FAM234B: variants seen among roughly 807,000 people sequenced by gnomAD.
The protein encoded by FAM234B is protein FAM234B.
Under a neutral mutation model 69.3 loss-of-function variants are expected in FAM234B, and 33 were observed. The ratio of observed to expected loss-of-function variants is 0.48; its 90% confidence interval spans 0.36 to 0.64. The LOEUF is 0.64. FAM234B is among the 30% of genes least tolerant of loss of function. The probability of loss-of-function intolerance (pLI) is 0.00; values close to 1 mark genes in which losing one functional copy is unlikely to be tolerated. For missense variants in FAM234B, 697 were observed against 769.7 expected, an observed-to-expected ratio of 0.91 and a Z score of 1.12; for synonymous variants, 306 against 306.9, an observed-to-expected ratio of 1.00 and a Z score of 0.03.
Position 13,067,320 on chromosome 12 carries a change from T to C in FAM234B, c.1142+24T>C, listed in dbSNP as rs374368584. On this transcript the variant is annotated intron_variant, in intron 7 of 12. Transcript: ENST00000197268. The surrounding 1 kb of genome is among the most constrained non-coding windows in gnomAD (Gnocchi z 4.7). ...AGGTAGGGCAGACGTCTGTCCTTGGTCACAGTGAGATCTCTTGTGAACTCA... is the reference window on the plus strand; with the variant it reads ...AGGTAGGGCAGACGTCTGTCCTTGGCCACAGTGAGATCTCTTGTGAACTCA... The C allele has an allele frequency of 8.1e-6, 13 of 1,613,392 alleles. No individual in the cohort carries two copies. In the African/African-American group the frequency reaches 1.7e-4, roughly 22 times the overall value.
chr12:13,080,734 T>G lies in FAM234B; in HGVS notation c.*104T>G, dbSNP rs1865216640. Reference sequence around the variant, plus strand: ...CTATGGAGAGAAGACTTCTTCGTCCTCATTTACCACCTCCCTGATGGTTGC... The same window carrying G: ...CTATGGAGAGAAGACTTCTTCGTCCGCATTTACCACCTCCCTGATGGTTGC... On this transcript the variant is annotated 3_prime_UTR_variant, in exon 13 of 13. Transcript: ENST00000197268. The G allele has an allele frequency of 1.0e-6, 1 of 966,508 alleles. No individual in the cohort carries two copies. The highest frequency in any genetic ancestry group is 2.0e-5 in the Admixed American group (1 of 49,968). The allele number at this position is 966,508 out of a possible 1,614,324, so 59.9% of individuals were successfully genotyped here.
In FAM234B at chr12:13,067,027, G is replaced by A. The variant is rs948050788; in HGVS notation, c.1001-128G>A. On this transcript the variant is annotated intron_variant, in intron 6 of 12. Coordinates refer to ENST00000197268, the MANE Select transcript of FAM234B (RefSeq NM_020853.2). This position sits in a 1 kb window ranked among gnomAD's most constrained non-coding sequence, Gnocchi z 4.7. ...ACTTAATCACCTCCCCACTTGTTCC[G>A]TGTTGTCCAGTCTGGGCGGGCTCTG... 2.5e-5 allele frequency: 28 copies of A among 1,118,252 alleles called. No individual in the cohort carries two copies. Among genetic ancestry groups the A allele is most frequent in the African/African-American group, 1.1e-4 (7 of 64,500 alleles). The allele number at this position is 1,118,252 out of a possible 1,614,324, so 69.3% of individuals were successfully genotyped here.
chr12:13,048,681 G>T (rs1864839389), intron 1 of FAM234B, among the ~76,000 whole-genome samples: 1 of 152,120 alleles, frequency 6.6e-6, no homozygotes, highest in Non-Finnish European at 1.5e-5. Context: ...AGCCAGACTG[G>T]TTTTGAATTG....
chr12:13,049,381 C>T (rs1162037212), intron 1 of FAM234B, among the ~76,000 whole-genome samples: 1 of 152,158 alleles, frequency 6.6e-6, no homozygotes, highest in East Asian at 1.9e-4. Flanking sequence ...GGTCTCGCCA[C>T]GTTGGCCGGG....
rs1040238905 is a variant in FAM234B at position 13,044,437 on chromosome 12, C to T, written c.34C>T (p.Pro12Ser). ...CGTGCTGTCCAGGGCGCTCAAGCTGCCGGGTAAGGAGTCGCATGCTTGCGA... is the reference window on the plus strand; with the variant it reads ...CGTGCTGTCCAGGGCGCTCAAGCTGTCGGGTAAGGAGTCGCATGCTTGCGA... ...ATVLSRALKLPGKKSPDLGEY... is the reference protein window; with the variant it reads ...ATVLSRALKLSGKKSPDLGEY... The change falls in exon 1 of 13, where the codon CCG (proline) becomes TCG (serine). Residue 12 changes from proline to serine, a missense_variant. Transcript: ENST00000197268. The surrounding 1 kb of genome is among the most constrained non-coding windows in gnomAD (Gnocchi z 5.6). 1.3e-6 allele frequency: 2 copies of T among 1,551,480 alleles called. No homozygotes were observed.
rs1010693802 is a variant in FAM234B at position 13,082,442 on chromosome 12, G to A, written c.*1812G>A. Reference sequence around the variant, plus strand: ...TGTAGATTGGCCTTATCAGGTTTCTGGGTGCCTCTGCCTTAAGATCCTGAA... The same window carrying A: ...TGTAGATTGGCCTTATCAGGTTTCTAGGTGCCTCTGCCTTAAGATCCTGAA... On this transcript the variant is annotated 3_prime_UTR_variant, in exon 13 of 13. Coordinates refer to ENST00000197268, the MANE Select transcript of FAM234B (RefSeq NM_020853.2). 8 of 152,150 alleles carry A rather than the reference G, an allele frequency of 5.3e-5. No individual in the cohort carries two copies. Among genetic ancestry groups the A allele is most frequent in the Non-Finnish European group, 8.8e-5 (6 of 68,028 alleles). 9.4% of individuals were successfully genotyped at this position (152,150 alleles called of 1,614,324 possible).
At chr12:13,050,837 A>G (rs2120444940) in intron 1 of FAM234B, among the ~76,000 whole-genome samples, 1 of 152,288 alleles carries the variant, frequency 6.6e-6, no homozygotes, top group African/African-American at 2.4e-5. Context: ...ATACACTTCC[A>G]GTTGTCATCA....
At chr12:13,065,072 A>G (rs1402616931) in intron 5 of FAM234B, among the ~76,000 whole-genome samples, 1 of 152,192 alleles carries the variant, frequency 6.6e-6, no homozygotes, top group African/African-American at 2.4e-5. Context: ...TGATGGGAAT[A>G]ACACTAATTT....
intron 9 of FAM234B, among the ~76,000 whole-genome samples, chr12:13,070,249 T>A: frequency 6.7e-6 from 1 of 149,586 alleles, no homozygotes; most frequent in Non-Finnish European, 1.5e-5. Flanking sequence ...AAGTTTTTAG[T>A]GCAGTGTCTC....
chr12:13,071,653 A>G (rs930692882), intron 10 of FAM234B, among the ~76,000 whole-genome samples: 1 of 152,090 alleles, frequency 6.6e-6, no homozygotes, highest in African/African-American at 2.4e-5. Flanking sequence ...TAAAGAATAA[A>G]AAGTCCTCCC....
chr12:13,062,712 G>A (rs1227628733), intron 4 of FAM234B, 133 bp from the exon 5 acceptor site: 6 of 871,000 alleles, frequency 6.9e-6, no homozygotes, highest in Non-Finnish European at 1.1e-5. Context: ...AAAACGAAAG[G>A]CAATAAGTAG....
In FAM234B at chr12:13,044,584, C is replaced by T; in HGVS notation, c.37+144C>T. 2.3e-6 allele frequency: 2 copies of T among 870,588 alleles called. No individual in the cohort carries two copies. The highest frequency in any genetic ancestry group is 1.7e-5 in the South Asian group (1 of 58,394). The allele number at this position is 870,588 out of a possible 1,614,324, so 53.9% of individuals were successfully genotyped here. ...CCCGGTGCCGAGGAGGGTGCAGTCC[C>T]TTGGGGCTGGGGTCTCTGTGCCACC... On this transcript the variant is annotated intron_variant, in intron 1 of 12. Coordinates refer to ENST00000197268, the MANE Select transcript of FAM234B (RefSeq NM_020853.2). The surrounding 1 kb of genome is among the most constrained non-coding windows in gnomAD (Gnocchi z 5.6).
At chr12:13,077,034 G>A (rs964787693) in intron 11 of FAM234B, among the ~76,000 whole-genome samples, 5 of 152,246 alleles carry the variant, frequency 3.3e-5, no homozygotes, top group East Asian at 1.9e-4. Flanking sequence ...TAGCTCTCTC[G>A]ATTTATTGGG....
chr12:13,072,391 G>T (rs1045766683), intron 10 of FAM234B, among the ~76,000 whole-genome samples: 7 of 152,166 alleles, frequency 4.6e-5, no homozygotes. Flanking sequence ...CCCCACCTAT[G>T]AGGGGACTTC....
intron 2 of FAM234B, among the ~76,000 whole-genome samples, chr12:13,056,389 A>G (rs1025603797): frequency 6.6e-6 from 1 of 152,248 alleles, no homozygotes; most frequent in Admixed American, 6.5e-5. Flanking sequence ...CATTTCCTGT[A>G]AAAGATAGTT....
At chr12:13,047,503 G>T (rs1046253635) in intron 1 of FAM234B, among the ~76,000 whole-genome samples, 6 of 152,218 alleles carry the variant, frequency 3.9e-5, no homozygotes, top group Non-Finnish European at 7.4e-5. Flanking sequence ...ATAGAATAGT[G>T]TATGTTTTAG....
rs367731159 is a variant in FAM234B at position 13,080,677 on chromosome 12, C to T, written c.*47C>T. 11 of 1,476,256 alleles carry T rather than the reference C, an allele frequency of 7.5e-6. No homozygotes were observed. The African/African-American group carries it at 1.1e-4, about 15-fold the overall frequency. 91.4% of individuals were successfully genotyped at this position (1,476,256 alleles called of 1,614,324 possible). A position where few individuals can be genotyped will look rare whatever the true frequency, so the allele number is the denominator to read the frequency against. ...AGAAGAAGTGAACAGAGTGGATACC[C>T]TCTCTACTCTCCTGTCACTGTAAAA... On this transcript the variant is annotated 3_prime_UTR_variant, in exon 13 of 13. Coordinates refer to ENST00000197268, the MANE Select transcript of FAM234B (RefSeq NM_020853.2).
At chr12:13,057,664 G>A (rs1415911631) in intron 2 of FAM234B, among the ~76,000 whole-genome samples, 1 of 152,198 alleles carries the variant, frequency 6.6e-6, no homozygotes, top group Non-Finnish European at 1.5e-5. Context: ...CTAGCAATGT[G>A]TGAATTCTCT....
rs760008640 is a variant in FAM234B at position 13,066,675 on chromosome 12, C to T, written c.888C>T (p.Thr296=). 5.6e-6 allele frequency: 9 copies of T among 1,613,772 alleles called. No homozygotes were observed. The highest frequency in any genetic ancestry group is 1.7e-4 in the Middle Eastern group (1 of 6,058). ...GCTTTCTGCTGGTGTCTGGCCGGAC[C>T]GGAAATCCAGTGGGTCGACCTGTGA... ...DLCFLLVSGR[T]GNPVGRPVKY... The change falls in exon 6 of 13, where the codon ACC becomes ACT. Residue 296 remains threonine, a synonymous_variant. Transcript: ENST00000197268.
Sources: gnomAD v4.1 joint callset for allele counts (sites outside exome capture counted in the v4.1 genomes callset) on GRCh38, gnomAD v4.1.1 for gene constraint, Gnocchi (gnomAD v3.1) non-coding constraint, MANE v1.5 for transcripts, NCBI Gene and HGNC (gene_info 2026-07-23, HGNC 2026-07-21) for gene names.